USH2A: variants seen among roughly 807,000 people sequenced by gnomAD.
The protein encoded by USH2A is Usher syndrome 2A (autosomal recessive, mild).
A neutral mutation model predicts 538.9 loss-of-function variants in USH2A; 443 were observed. The observed-to-expected ratio is 0.82, with a 90% CI of 0.76 to 0.89. The LOEUF is 0.89. Among genes scored for constraint, USH2A ranks in the 40% least tolerant of loss-of-function variants. The pLI, the probability that USH2A is intolerant of heterozygous loss-of-function variation, is 0.00. For missense variants in USH2A, 6,633 were observed against 6,324.8 expected (o/e 1.05, Z -1.65); for synonymous variants, 2,413 against 2,273.5 (o/e 1.06, Z -1.75).
intron 14 of USH2A, among the ~76,000 whole-genome samples, chr1:216,227,939 C>A (rs1325776619): frequency 6.6e-6 from 1 of 152,106 alleles, no homozygotes; most frequent in African/African-American, 2.4e-5. Flanking sequence ...CCCCACAGTA[C>A]AGCAGAAGGG....
At position 216,043,741 on chromosome 1, in the gene USH2A, G is replaced by A. The variant is rs551186630; in HGVS notation, c.6325+2690C>T. On this transcript the variant is annotated intron_variant, in intron 32 of 71. Transcript: ENST00000307340. The stretch of plus-strand genomic sequence containing the variant: ...CCTCTCCCTACACTGCCCTTTTTCC[G>A]GTTTTGTCCAGTGTAACCTCATATG... Among the ~76,000 whole-genome samples, 12 of 151,948 alleles carry A rather than the reference G, an allele frequency of 7.9e-5. No homozygotes were observed. The East Asian group carries it at 9.7e-4, about 12-fold the overall frequency.
At chr1:215,797,668 A>G (rs1034410938) in intron 50 of USH2A, among the ~76,000 whole-genome samples, 4 of 152,090 alleles carry the variant, frequency 2.6e-5, no homozygotes, top group Admixed American at 6.6e-5. Context: ...ATGGTTTACT[A>G]TGTATTTTAA....
chr1:215,775,581 G>C (rs556837856), intron 55 of USH2A, among the ~76,000 whole-genome samples: 1 of 152,280 alleles, frequency 6.6e-6, no homozygotes, highest in Admixed American at 6.5e-5. Flanking sequence ...AAGAGGAAAG[G>C]CTATTAGAAT....
chr1:215,884,308 T>C (rs189610011), intron 41 of USH2A, among the ~76,000 whole-genome samples: 1 of 152,254 alleles, frequency 6.6e-6, no homozygotes, highest in African/African-American at 2.4e-5. Context: ...ATTTGAATGA[T>C]GTTCAGTTTA....
intron 40 of USH2A, among the ~76,000 whole-genome samples, chr1:215,897,214 ACT>A (rs1247227980): frequency 1.3e-5 from 2 of 152,102 alleles, no homozygotes; most frequent in Non-Finnish European, 2.9e-5. Context: ...GCTGAAAATC[ACT>A]GTCTTGAAAT....
chr1:216,228,515 G>C (rs1423333901), intron 14 of USH2A, among the ~76,000 whole-genome samples: 1 of 152,116 alleles, frequency 6.6e-6, no homozygotes, highest in African/African-American at 2.4e-5. Flanking sequence ...TTCCCCTGCT[G>C]TTCTCATGAG....
At chr1:215,742,385 A>G (rs202159860) in intron 59 of USH2A, among the ~76,000 whole-genome samples, 1 of 152,186 alleles carries the variant, frequency 6.6e-6, no homozygotes, top group East Asian at 1.9e-4. Context: ...TATTTAGCAA[A>G]TGAGTATTAT....
rs190494339 is a variant in USH2A at position 216,279,855 on chromosome 1, G to C, written c.1971+9425C>G. ...GGCCATATGCTAGGGACTTATGTTAGGGACTTTCACCGGTCTCCCTACCTT... is the reference window on the plus strand; with the variant it reads ...GGCCATATGCTAGGGACTTATGTTACGGACTTTCACCGGTCTCCCTACCTT... On this transcript the variant is annotated intron_variant, in intron 11 of 71. Transcript: ENST00000307340. Among the ~76,000 whole-genome samples the C allele has an allele frequency of 4.7e-5, 7 of 148,140 alleles. No homozygotes were observed. The East Asian group carries it at 1.4e-3, about 29-fold the overall frequency.
chr1:215,869,400 G>A (rs746439708), intron 43 of USH2A, among the ~76,000 whole-genome samples: 11 of 152,108 alleles, frequency 7.2e-5, no homozygotes, highest in South Asian at 2.1e-4. Context: ...TGAACTTTGC[G>A]TTATTTTTCT....
chr1:216,339,081 T>C (rs186256480), intron 4 of USH2A, among the ~76,000 whole-genome samples: 1 of 151,726 alleles, frequency 6.6e-6, no homozygotes, highest in African/African-American at 2.4e-5. Context: ...AATTGCAATC[T>C]TCTATAAATT....
At chr1:216,383,846 T>TTTTCTTTC (rs200269704) in intron 3 of USH2A, among the ~76,000 whole-genome samples, 1 of 148,894 alleles carries the variant, frequency 6.7e-6, no homozygotes, top group African/African-American at 2.6e-5. Flanking sequence ...GGCTAATTTT[T>TTTTCTTTC]TTTCTTTCTT....
chr1:215,879,184 T>C (rs1558141438), intron 41 of USH2A, 86 bp from the exon 42 acceptor site: 1 of 1,215,798 alleles, frequency 8.2e-7, no homozygotes. Context: ...TTTGCTCTTG[T>C]TTTCAGTTAA....
At chr1:216,251,345 C>T (rs2036157726) in intron 11 of USH2A, among the ~76,000 whole-genome samples, 1 of 150,732 alleles carries the variant, frequency 6.6e-6, no homozygotes, top group Admixed American at 6.6e-5. Flanking sequence ...GGGAATTAAC[C>T]ATTCAATGCT....
intron 9 of USH2A, among the ~76,000 whole-genome samples, chr1:216,304,865 C>T (rs936486055): frequency 5.9e-5 from 9 of 151,434 alleles, no homozygotes; most frequent in South Asian, 2.1e-4. Flanking sequence ...TTTTATTTCA[C>T]GGTGGTCTGA....
At chr1:216,008,646 G>A (rs183489585) in intron 32 of USH2A, among the ~76,000 whole-genome samples, 31 of 152,166 alleles carry the variant, frequency 2.0e-4, no homozygotes, top group Middle Eastern at 6.8e-3. Context: ...ATCCACCTAC[G>A]ACCTCAGGTC....
At chr1:216,070,039 T>C (rs2031505340) in intron 30 of USH2A, 62 bp downstream of exon 30, 2 of 1,578,916 alleles carry the variant, frequency 1.3e-6, no homozygotes, top group Non-Finnish European at 1.7e-6. Context: ...AGAAGATTTT[T>C]ATTTAAAATG....
At chr1:215,774,490 G>T (rs6664811) in intron 55 of USH2A, among the ~76,000 whole-genome samples, 47,182 of 151,166 alleles carry the variant, frequency 0.31, 8,911 homozygotes, top group African/African-American at 0.52. Context: ...AATATAATAT[G>T]AATTATATCT....
At chr1:216,236,519 G>C (rs1448451217) in intron 13 of USH2A, among the ~76,000 whole-genome samples, 1 of 152,134 alleles carries the variant, frequency 6.6e-6, no homozygotes, top group Non-Finnish European at 1.5e-5. Flanking sequence ...AAAAACAGAT[G>C]TATGAATGAA....
At chr1:216,262,051 C>T (rs2036384148) in intron 11 of USH2A, among the ~76,000 whole-genome samples, 1 of 152,142 alleles carries the variant, frequency 6.6e-6, no homozygotes, top group Non-Finnish European at 1.5e-5. Context: ...CACTCTAGAA[C>T]TTATCTACAG....
Sources: gnomAD v4.1 joint callset for allele counts (sites outside exome capture counted in the v4.1 genomes callset) on GRCh38, gnomAD v4.1.1 for gene constraint, MANE v1.5 for transcripts, NCBI Gene and HGNC (gene_info 2026-07-23, HGNC 2026-07-21) for gene names.